Variants in TTLL6 observed in about 807,000 individuals in gnomAD.
TTLL6 encodes tubulin polyglutamylase TTLL6.
A neutral mutation model predicts 96.4 loss-of-function variants in TTLL6; 75 were observed. The ratio of observed to expected loss-of-function variants is 0.78; its 90% CI spans 0.65 to 0.94. TTLL6 has a LOEUF of 0.94. Among genes scored for constraint, TTLL6 ranks in the 40% least tolerant of loss-of-function variants. TTLL6 has a pLI of 0.00. For missense variants in TTLL6, 1,030 were observed against 1,093.0 expected (o/e 0.94, Z 0.81); for synonymous variants, 411 against 419.4 (o/e 0.98, Z 0.24).
At chr17:48,802,078 AAAAGAAAGAAAGAAAG>A (rs139321404) in intron 3 of TTLL6, among the ~76,000 whole-genome samples, 11,205 of 121,274 alleles carry the variant, frequency 0.092, 639 homozygotes, top group Admixed American at 0.11. Flanking sequence ...GAAAGAAAGA[AAAAGAAAGAAAGAAAG>A]AAAGAAAGAA....
At chr17:48,777,171 G>A (rs1035920732) in intron 13 of TTLL6, among the ~76,000 whole-genome samples, 2 of 152,144 alleles carry the variant, frequency 1.3e-5, no homozygotes, top group African/African-American at 4.8e-5. Flanking sequence ...ACAATAAATA[G>A]TTTTGGAACA....
chr17:48,812,697 A>G (rs1201812579), intron 1 of TTLL6, among the ~76,000 whole-genome samples: 2 of 152,186 alleles, frequency 1.3e-5, no homozygotes, highest in African/African-American at 4.8e-5. Context: ...CTGCATTCTC[A>G]GCTCCTAGCA....
chr17:48,777,053 T>TA (rs1481491066), intron 13 of TTLL6, among the ~76,000 whole-genome samples: 2 of 101,356 alleles, frequency 2.0e-5, no homozygotes, highest in African/African-American at 7.3e-5. Context: ...CACACACCCC[T>TA]AAAAAATCAA....
intron 8 of TTLL6, among the ~76,000 whole-genome samples, chr17:48,795,340 A>G (rs926619871): frequency 1.3e-5 from 2 of 151,876 alleles, no homozygotes; most frequent in African/African-American, 4.8e-5. Flanking sequence ...AAAAAAAAAA[A>G]AAAGAAAAGA....
chr17:48,766,973 G>A (rs2038626974), intron 15 of TTLL6, among the ~76,000 whole-genome samples: 1 of 152,022 alleles, frequency 6.6e-6, no homozygotes, highest in Non-Finnish European at 1.5e-5. Context: ...TTTTGAGATG[G>A]AGTCTCGCTC....
intron 15 of TTLL6, among the ~76,000 whole-genome samples, chr17:48,767,120 T>G (rs7221446): frequency 0.89 from 134,839 of 152,064 alleles, 60,105 homozygotes; most frequent in Non-Finnish European, 0.93. Flanking sequence ...GGCTAGGCTG[T>G]TCTCAAACTC....
At chr17:48,784,806 C>T (rs772084544) in intron 13 of TTLL6, 117 bp downstream of exon 13, 2 of 790,164 alleles carry the variant, frequency 2.5e-6, no homozygotes, top group Non-Finnish European at 4.0e-6. Flanking sequence ...AGGGGAGACA[C>T]CAAGGCCCAG....
chr17:48,777,841 G>A (rs146986175), intron 13 of TTLL6, among the ~76,000 whole-genome samples: 86 of 152,244 alleles, frequency 5.6e-4, no homozygotes, highest in Non-Finnish European at 1.0e-3. Flanking sequence ...AACCTGGGCG[G>A]CAGAGGTTGC....
intron 1 of TTLL6, among the ~76,000 whole-genome samples, chr17:48,805,825 A>C (rs1598000857): frequency 6.6e-6 from 1 of 151,344 alleles, no homozygotes; most frequent in East Asian, 1.9e-4. Flanking sequence ...ATACAAAAAA[A>C]AAGGCTAGGC....
Position 48,797,121 on chromosome 17 carries a change from G to A in TTLL6, c.852C>T (p.Tyr284=). Residue 284 remains tyrosine, a synonymous_variant, in exon 7 of 16, where the codon TAC becomes TAT. Coordinates refer to ENST00000393382, the MANE Select transcript of TTLL6 (RefSeq NM_001130918.3). The part of the protein sequence containing the change: ...TSCDPLRIFV[Y]NEGLARFATT... ...TCGCAAAGCGGGCCAGTCCTTCATT[G>A]TACACAAAAATCCTGAGAGGGTCAC... 6.4e-7 allele frequency: 1 copy of A among 1,551,510 alleles called. No homozygotes were observed. Among genetic ancestry groups the A allele is most frequent in the Non-Finnish European group, 8.7e-7 (1 of 1,146,974 alleles).
chr17:48,771,974 C>T lies in TTLL6; in HGVS notation c.2041-1877G>A, dbSNP rs1290350951. Reference sequence around the variant, plus strand: ...CCTGCAATTCCACCTACTCGGGAGGCTGAGGCAGAGGAATCACTTGAACTC... The same window carrying T: ...CCTGCAATTCCACCTACTCGGGAGGTTGAGGCAGAGGAATCACTTGAACTC... On this transcript the variant is annotated intron_variant, in intron 13 of 15. Coordinates refer to ENST00000393382, the MANE Select transcript of TTLL6 (RefSeq NM_001130918.3). Among the ~76,000 whole-genome samples, 5 of 152,088 alleles carry T rather than the reference C, an allele frequency of 3.3e-5. No individual in the cohort carries two copies. The East Asian group carries it at 9.6e-4, about 29-fold the overall frequency.
chr17:48,795,764 A>G (rs1379183027), intron 8 of TTLL6, among the ~76,000 whole-genome samples: 1 of 152,164 alleles, frequency 6.6e-6, no homozygotes, highest in Non-Finnish European at 1.5e-5. Context: ...AGAAGGGCCA[A>G]CTGTAATAAG....
chr17:48,770,239 C>T lies in TTLL6; in HGVS notation c.2041-142G>A, dbSNP rs2038712084. ...CTCAAATTGGGCTCAAGTGATGCTC[C>T]TGCCTCAGCCTCCTGAGTAGCTGGG... On this transcript the variant is annotated intron_variant, in intron 13 of 15. Transcript: ENST00000393382. 3 of 1,163,072 alleles carry T rather than the reference C, an allele frequency of 2.6e-6. No homozygotes were observed. In the East Asian group the frequency reaches 7.8e-5, roughly 30 times the overall value. The allele number at this position is 1,163,072 out of a possible 1,614,324, so 72.0% of individuals were successfully genotyped here.
At chr17:48,796,450 T>C (rs1017519367) in intron 7 of TTLL6, among the ~76,000 whole-genome samples, 1 of 151,936 alleles carries the variant, frequency 6.6e-6, no homozygotes, top group Admixed American at 6.6e-5. Flanking sequence ...TGAAATCCCA[T>C]CTCTACTGAA....
chr17:48,779,792 A>G (rs1185738241), intron 13 of TTLL6, among the ~76,000 whole-genome samples: 1 of 152,236 alleles, frequency 6.6e-6, no homozygotes, highest in Non-Finnish European at 1.5e-5. Flanking sequence ...ACTGAGCCAA[A>G]GAAGCCAGAC....
intron 14 of TTLL6, among the ~76,000 whole-genome samples, 157 bp downstream of exon 14, chr17:48,769,571 G>A (rs1280063289): frequency 1.3e-5 from 2 of 152,300 alleles, no homozygotes; most frequent in African/African-American, 2.4e-5. Context: ...ACTTCCTAAT[G>A]GTATGGACTG....
chr17:48,792,869 A>G lies in TTLL6; in HGVS notation c.999-1266T>C, dbSNP rs138429874. ...TATTTAATTTGCCTAATTGGGAAATAAATTTTCCTGAAATAGATTATACAC... is the reference window on the plus strand; with the variant it reads ...TATTTAATTTGCCTAATTGGGAAATGAATTTTCCTGAAATAGATTATACAC... On this transcript the variant is annotated intron_variant, in intron 8 of 15. Coordinates refer to ENST00000393382, the MANE Select transcript of TTLL6 (RefSeq NM_001130918.3). Among the ~76,000 whole-genome samples the G allele has an allele frequency of 6.6e-5, 10 of 152,356 alleles. No homozygotes were observed. The East Asian group carries it at 1.7e-3, about 26-fold the overall frequency.
chr17:48,765,355 T>C (rs775942167), intron 15 of TTLL6, among the ~76,000 whole-genome samples: 14 of 152,108 alleles, frequency 9.2e-5, no homozygotes, highest in Non-Finnish European at 1.5e-4. Flanking sequence ...GAGATTATAG[T>C]GAGCCATGAT....
chr17:48,778,215 T>A (rs1273111843), intron 13 of TTLL6, among the ~76,000 whole-genome samples: 1 of 149,920 alleles, frequency 6.7e-6, no homozygotes, highest in Non-Finnish European at 1.5e-5. Context: ...AGGCAGAGGT[T>A]GTAGTAAGCC....
Sources: allele counts gnomAD v4.1 joint callset (sites outside exome capture counted in the v4.1 genomes callset), GRCh38; gene constraint gnomAD v4.1.1; transcripts MANE v1.5; gene names NCBI Gene and HGNC (gene_info 2026-07-23, HGNC 2026-07-21).